The following ATXN1 variants were observed in gnomAD, a reference collection of about 807,000 sequenced individuals.
ATXN1 encodes the protein ataxin 1.
In ATXN1, 8 loss-of-function variants were observed where a neutral mutation model predicts 56.4. The observed-to-expected ratio is 0.14, with a 90% confidence interval of 0.08 to 0.26. The LOEUF is 0.26. ATXN1 is among the 10% of genes least tolerant of loss of function. The probability of loss-of-function intolerance (pLI) is 1.00; values close to 1 mark genes in which losing one functional copy is unlikely to be tolerated. For synonymous variants in ATXN1, 514 were observed against 494.6 expected (o/e 1.04, Z -0.52); for missense variants, 987 against 1,106.5 (o/e 0.89, Z 1.53).
chr6:16,401,581 A>T (rs924121357), intron 6 of ATXN1, among the ~76,000 whole-genome samples: 14 of 152,234 alleles, frequency 9.2e-5, no homozygotes, highest in African/African-American at 3.4e-4. Context: ...AAGGTTAGAC[A>T]GCAACAAAAA....
intron 3 of ATXN1, among the ~76,000 whole-genome samples, chr6:16,602,483 G>A (rs372049307): frequency 8.2e-5 from 12 of 146,400 alleles, no homozygotes; most frequent in African/African-American, 2.5e-4. Context: ...ATGGAGTCTC[G>A]CTCTGTGACC....
At chr6:16,723,553 G>A (rs904879503) in intron 2 of ATXN1, among the ~76,000 whole-genome samples, 2 of 152,122 alleles carry the variant, frequency 1.3e-5, no homozygotes, top group African/African-American at 4.8e-5. Context: ...TGAATCTAGC[G>A]CATTTCCCCT....
At chr6:16,659,119 C>T (rs773652162) in intron 2 of ATXN1, among the ~76,000 whole-genome samples, 1 of 152,138 alleles carries the variant, frequency 6.6e-6, no homozygotes, top group Admixed American at 6.5e-5. Context: ...AGTGTCTCTC[C>T]GTTAATGTTT....
intron 3 of ATXN1, among the ~76,000 whole-genome samples, chr6:16,626,693 T>G (rs1763413605): frequency 6.6e-6 from 1 of 152,370 alleles, no homozygotes; most frequent in South Asian, 2.1e-4. Context: ...AATTCATGTG[T>G]TGAAGCCCTA....
At position 16,548,963 on chromosome 6, in the gene ATXN1, TAAGA is replaced by T. The variant is rs1228779144; in HGVS notation, c.-360-26279_-360-26276del. ...ATAAATAGCAAACAAAATAAAATAC[TAAGA>T]AACAAACACGCATTAGTCTAGGCCT... is the stretch of plus-strand genomic sequence containing the variant. On this transcript the variant is annotated intron_variant, in intron 4 of 7. Transcript: ENST00000436367. 2.0e-5 allele frequency among the ~76,000 whole-genome samples: 3 copies of T among 152,020 alleles called. No homozygotes were observed. The South Asian group carries it at 6.2e-4, about 32-fold the overall frequency.
Position 16,326,620 on chromosome 6 carries a change from G to A in ATXN1, c.1691C>T (p.Ala564Val), listed in dbSNP as rs374953865. The A allele has an allele frequency of 1.2e-5, 20 of 1,614,016 alleles. No homozygotes were observed. The highest frequency in any genetic ancestry group is 4.5e-5 in the East Asian group (2 of 44,880). ...LPVVQSVASP[A>V]AAPPTLPPYF... ...GGGAGGCAGCGTAGGGGGAGCCGCC[G>A]CCGGGGAGGCCACGGACTGCACCAC... Residue 564 changes from alanine to valine, a missense_variant, in exon 7 of 8, where the codon GCG becomes GTG. This residue lies in a region of ATXN1 where 723 missense variants were observed against 791.7 expected (regional missense o/e 0.91). Coordinates refer to ENST00000436367, the MANE Select transcript of ATXN1 (RefSeq NM_001128164.2). This position sits in a 1 kb window ranked among gnomAD's most constrained non-coding sequence, Gnocchi z 6.6.
chr6:16,481,388 G>T (rs533708599), intron 6 of ATXN1, among the ~76,000 whole-genome samples: 6 of 152,084 alleles, frequency 3.9e-5, no homozygotes, highest in South Asian at 2.1e-4. Flanking sequence ...TAGAGTGTGC[G>T]TGTGTGTGCA....
At chr6:16,403,315 T>G (rs1758618923) in intron 6 of ATXN1, among the ~76,000 whole-genome samples, 1 of 152,254 alleles carries the variant, frequency 6.6e-6, no homozygotes, top group East Asian at 1.9e-4. Context: ...CATCAGAGTT[T>G]ATGCGTTTTC....
intron 2 of ATXN1, among the ~76,000 whole-genome samples, chr6:16,679,070 A>AGATG (rs1329846437): frequency 2.6e-5 from 4 of 151,948 alleles, no homozygotes; most frequent in Non-Finnish European, 5.9e-5. Flanking sequence ...ATGGAAGAAA[A>AGATG]GATGGATGGA....
chr6:16,430,217 C>G (rs1030795656), intron 6 of ATXN1, among the ~76,000 whole-genome samples: 2 of 151,896 alleles, frequency 1.3e-5, no homozygotes, highest in East Asian at 3.9e-4. Flanking sequence ...TCCAAGATGT[C>G]GCGAGTCCCT....
At chr6:16,330,760 T>C (rs1190932928) in intron 6 of ATXN1, among the ~76,000 whole-genome samples, 1 of 152,134 alleles carries the variant, frequency 6.6e-6, no homozygotes, top group East Asian at 1.9e-4. Context: ...AAATGACAAA[T>C]GATACAACAG....
At chr6:16,643,991 G>C (rs1029827621) in intron 3 of ATXN1, among the ~76,000 whole-genome samples, 10 of 152,086 alleles carry the variant, frequency 6.6e-5, no homozygotes, top group African/African-American at 2.4e-4. Flanking sequence ...ATTAAATTAT[G>C]GGCCAGACAT....
chr6:16,661,920 C>A (rs1758328770), intron 2 of ATXN1, among the ~76,000 whole-genome samples: 1 of 152,162 alleles, frequency 6.6e-6, no homozygotes, highest in Non-Finnish European at 1.5e-5. Flanking sequence ...TAGAGACACC[C>A]AGCTATGATA....
intron 6 of ATXN1, among the ~76,000 whole-genome samples, chr6:16,418,950 G>A (rs796765144): frequency 2.0e-5 from 3 of 152,074 alleles, no homozygotes; most frequent in African/African-American, 7.2e-5. Context: ...GCCTCGATAT[G>A]CCCACAGATG....
intron 4 of ATXN1, among the ~76,000 whole-genome samples, chr6:16,530,134 A>C (rs1401729787): frequency 6.6e-6 from 1 of 152,240 alleles, no homozygotes; most frequent in African/African-American, 2.4e-5. Flanking sequence ...ATATAAAAAT[A>C]AGGAAATACT....
intron 4 of ATXN1, among the ~76,000 whole-genome samples, chr6:16,557,342 A>C (rs911285019): frequency 6.6e-6 from 1 of 151,736 alleles, no homozygotes; most frequent in African/African-American, 2.4e-5. Context: ...AAAAAAAAAA[A>C]AAAACAAATC....
intron 7 of ATXN1, among the ~76,000 whole-genome samples, chr6:16,320,499 C>T (rs949113800): frequency 1.3e-5 from 2 of 152,212 alleles, no homozygotes; most frequent in Non-Finnish European, 2.9e-5. Context: ...TTTACCAATA[C>T]ATTTTACAAC....
At chr6:16,738,597 T>TA (rs981067041) in intron 2 of ATXN1, 1 of 152,202 alleles carries the variant, frequency 6.6e-6, no homozygotes, top group African/African-American at 2.4e-5. Context: ...ACCAGGATTT[T>TA]AAAAAAAGCA....
At chr6:16,657,103 C>T (rs1330287883) in intron 3 of ATXN1, among the ~76,000 whole-genome samples, 1 of 70,936 alleles carries the variant, frequency 1.4e-5, no homozygotes, top group African/African-American at 1.3e-4. Flanking sequence ...GCTGCCTCAG[C>T]CTCCCAAGTA....
Sources: gnomAD v4.1 joint callset for allele counts (sites outside exome capture counted in the v4.1 genomes callset) on GRCh38, gnomAD v4.1.1 for gene constraint, gnomAD v4.1.1 regional missense constraint, Gnocchi (gnomAD v3.1) non-coding constraint, MANE v1.5 for transcripts, NCBI Gene and HGNC (gene_info 2026-07-23, HGNC 2026-07-21) for gene names.